Variants in XIRP2 observed in about 807,000 individuals in gnomAD.
The protein encoded by XIRP2 is xin actin binding repeat containing 2, also known as xin actin-binding repeat-containing protein 2.
In XIRP2, 236 loss-of-function variants were observed where a neutral mutation model predicts 277.0. That is an observed-to-expected ratio of 0.85 (90% confidence interval 0.77 to 0.95). The LOEUF (loss-of-function observed/expected upper bound fraction) is 0.95. Ranked by LOEUF, XIRP2 falls within the 40% of genes least tolerant of loss-of-function variation. The pLI is 0.00. For missense variants in XIRP2, 4,640 were observed against 4,157.5 expected (o/e 1.12, Z -3.19); for synonymous variants, 1,490 against 1,416.5 (o/e 1.05, Z -1.17).
chr2:166,918,113 T>C (rs891386580), intron 2 of XIRP2, among the ~76,000 whole-genome samples: 5 of 152,220 alleles, frequency 3.3e-5, no homozygotes, highest in Non-Finnish European at 5.9e-5. Flanking sequence ...AGTAAATCAA[T>C]AAGTCTGATT....
At chr2:167,229,998 G>A (rs1694707314) in intron 5 of XIRP2, among the ~76,000 whole-genome samples, 1 of 151,996 alleles carries the variant, frequency 6.6e-6, no homozygotes, top group South Asian at 2.1e-4. Context: ...ATGAGTGGAG[G>A]CCACTTAGTT....
At chr2:167,076,357 A>C (rs1689572842) in intron 2 of XIRP2, among the ~76,000 whole-genome samples, 1 of 152,242 alleles carries the variant, frequency 6.6e-6, no homozygotes, top group African/African-American at 2.4e-5. Context: ...TTACTGTTGA[A>C]GGTAAAACAA....
chr2:167,193,894 A>AG (rs1693423041), intron 3 of XIRP2, among the ~76,000 whole-genome samples: 1 of 151,582 alleles, frequency 6.6e-6, no homozygotes. Context: ...AAAAAAAAAA[A>AG]AAAAAATTCA....
intron 2 of XIRP2, among the ~76,000 whole-genome samples, chr2:166,912,057 G>A (rs560937701): frequency 1.7e-4 from 26 of 151,820 alleles, no homozygotes; most frequent in Non-Finnish European, 3.4e-4. Context: ...CCTTCATTTC[G>A]ACTTTGGTGA....
chr2:167,078,546 G>T (rs1273153032), intron 2 of XIRP2, among the ~76,000 whole-genome samples: 5 of 151,408 alleles, frequency 3.3e-5, no homozygotes, highest in Admixed American at 2.6e-4. Flanking sequence ...GCCTTTAACG[G>T]CAAAAACTGG....
In XIRP2 at chr2:167,232,644, G is replaced by A. The variant is rs190204451; in HGVS notation, c.859-7211G>A. On this transcript the variant is annotated intron_variant, in intron 5 of 10. Coordinates refer to ENST00000409195, the MANE Select transcript of XIRP2 (RefSeq NM_152381.6). ...GTGCAATAAATATTTGTTAAGTAAA[G>A]ATACCAAACACTTTGGTATTTGTAG... 1.9e-4 allele frequency among the ~76,000 whole-genome samples: 29 copies of A among 152,004 alleles called. No homozygotes were observed. The East Asian group carries it at 5.0e-3, about 26-fold the overall frequency.
intron 3 of XIRP2, among the ~76,000 whole-genome samples, chr2:167,159,459 TATATC>T (rs576985844): frequency 1.8e-3 from 276 of 152,278 alleles, no homozygotes; most frequent in Admixed American, 1.6e-3. Flanking sequence ...TTTTTATTCT[TATATC>T]ATGGATAAAG....
At chr2:167,218,047 T>A in intron 4 of XIRP2, 119 bp from the exon 5 acceptor site, 6 of 784,914 alleles carry the variant, frequency 7.6e-6, no homozygotes, top group Non-Finnish European at 1.1e-5. Context: ...TAATGGTGTA[T>A]GTGAATATCT....
chr2:167,241,747 A>G (rs771305887), intron 7 of XIRP2, 30 bp from the exon 8 acceptor site: 1 of 1,579,006 alleles, frequency 6.3e-7, no homozygotes, highest in Admixed American at 1.9e-5. Flanking sequence ...GTAATTACAT[A>G]GTAACCCTGG....
At position 167,248,542 on chromosome 2, in the gene XIRP2, G is replaced by GC. The variant is rs747754763; in HGVS notation, c.7151dup (p.Pro2385SerfsTer26). On this transcript the variant is annotated frameshift_variant, in exon 9 of 11. Transcript: ENST00000409195. LOFTEE classifies it high-confidence loss of function. ...GCCAGCACATCTCCTTTCCTCCTCT[G>GC]CTCCGGAAAAGCACAGTGGAGACTT... The GC allele has an allele frequency of 2.4e-5, 39 of 1,613,442 alleles. No homozygotes were observed. Among genetic ancestry groups the GC allele is most frequent in the Non-Finnish European group, 3.1e-5 (36 of 1,179,794 alleles).
At chr2:166,919,728 TATAAAAACAAGAA>T (rs1171178794) in intron 2 of XIRP2, among the ~76,000 whole-genome samples, 15 of 152,184 alleles carry the variant, frequency 9.9e-5, no homozygotes, top group South Asian at 2.1e-4. Flanking sequence ...AATTTCAAGT[TATAAAAACAAGAA>T]ATAAAAACAA....
chr2:167,186,957 CAA>C (rs1181296387), intron 3 of XIRP2, among the ~76,000 whole-genome samples: 1 of 152,120 alleles, frequency 6.6e-6, no homozygotes, highest in East Asian at 1.9e-4. Flanking sequence ...CTCCTCTTCC[CAA>C]GAATTCATGT....
At chr2:167,149,484 G>A (rs1303589267) in intron 3 of XIRP2, among the ~76,000 whole-genome samples, 2 of 152,116 alleles carry the variant, frequency 1.3e-5, no homozygotes, top group Non-Finnish European at 2.9e-5. Context: ...CATACTCTGG[G>A]CATTTAGTTT....
intron 10 of XIRP2, among the ~76,000 whole-genome samples, chr2:167,255,134 T>C (rs1294328337): frequency 6.6e-6 from 1 of 151,836 alleles, no homozygotes; most frequent in Non-Finnish European, 1.5e-5. Flanking sequence ...AATTATGTTA[T>C]GGGAATTTAT....
intron 2 of XIRP2, among the ~76,000 whole-genome samples, chr2:166,994,477 TAAAAAAAAAAAAATTAAA>T (rs1558940301): frequency 5.1e-5 from 5 of 97,692 alleles, no homozygotes; most frequent in South Asian, 3.2e-4. Flanking sequence ...TAGAGTATAA[TAAAAAAAAAAAAATTAAA>T]AAAAAAAAAA....
rs75766110 is a variant in XIRP2 at position 166,947,628 on chromosome 2, G to T, written c.408+43738G>T. ...TGTGGTGTTCAAAATTCTACTGTGA[G>T]AAATAGGACCTTTCATTTGTTGCTG... On this transcript the variant is annotated intron_variant, in intron 2 of 10. Coordinates refer to ENST00000409195, the MANE Select transcript of XIRP2 (RefSeq NM_152381.6). 1.6e-3 allele frequency among the ~76,000 whole-genome samples: 241 copies of T among 152,206 alleles called. 1 individual carries two copies. The highest frequency in any genetic ancestry group is 5.2e-3 in the African/African-American group (216 of 41,554).
chr2:167,146,144 A>T (rs2105327509), intron 3 of XIRP2, among the ~76,000 whole-genome samples: 1 of 152,244 alleles, frequency 6.6e-6, no homozygotes, highest in African/African-American at 2.4e-5. Flanking sequence ...CAGATATGTT[A>T]TACAACTAAT....
At chr2:166,959,792 ATCT>A (rs2105405930) in intron 2 of XIRP2, among the ~76,000 whole-genome samples, 1 of 151,824 alleles carries the variant, frequency 6.6e-6, no homozygotes, top group East Asian at 2.0e-4. Context: ...GAGGTTAAAC[ATCT>A]TCTATTTGAG....
intron 2 of XIRP2, among the ~76,000 whole-genome samples, chr2:166,910,627 A>G (rs1684675130): frequency 6.6e-6 from 1 of 151,866 alleles, no homozygotes; most frequent in Admixed American, 6.5e-5. Context: ...TTCTGCTCTG[A>G]TCCTAGTTAT....
Sources: allele counts gnomAD v4.1 joint callset (sites outside exome capture counted in the v4.1 genomes callset), GRCh38; gene constraint gnomAD v4.1.1; transcripts MANE v1.5; gene names NCBI Gene and HGNC (gene_info 2026-07-23, HGNC 2026-07-21).